METTL13: variants seen among roughly 807,000 people sequenced by gnomAD.
The protein encoded by METTL13 is methyltransferase 13, eEF1A N-terminus and K55.
Under a neutral mutation model 67.4 loss-of-function variants are expected in METTL13, and 52 were observed. The ratio of observed to expected loss-of-function variants is 0.77; its 90% CI spans 0.62 to 0.97. The LOEUF is 0.97. Among genes scored for constraint, METTL13 ranks in the 50% least tolerant of loss-of-function variants. METTL13 has a pLI of 0.00. For missense variants in METTL13, 825 were observed against 889.6 expected (o/e 0.93, Z 0.92); for synonymous variants, 354 against 353.6 (o/e 1.00, Z -0.01).
chr1:171,796,389 GGGACA>G (rs1324571410), intron 7 of METTL13, 88 bp from the exon 8 acceptor site: 1 of 1,471,276 alleles, frequency 6.8e-7, no homozygotes, highest in East Asian at 2.3e-5. Flanking sequence ...CAGTCTCCCT[GGGACA>G]GGAATTGGTA....
chr1:171,796,100 C>T (rs751461013), intron 7 of METTL13, among the ~76,000 whole-genome samples: 14 of 152,242 alleles, frequency 9.2e-5, no homozygotes, highest in East Asian at 1.9e-4. Flanking sequence ...CTCCTGACTT[C>T]GAGTGATCCG....
chr1:171,796,335 G>T, intron 7 of METTL13, 147 bp from the exon 8 acceptor site: 1 of 915,578 alleles, frequency 1.1e-6, no homozygotes, highest in Non-Finnish European at 1.7e-6. Context: ...TTTCTATGCT[G>T]TGTATTCTCT....
rs1209842508 is a variant in METTL13, at chr1:171,786,203, A to G, written c.1113+125A>G. 11 of 1,054,610 alleles carry G rather than the reference A, an allele frequency of 1.0e-5. No homozygotes were observed. The East Asian group carries it at 2.1e-4, about 20-fold the overall frequency. 65.3% of individuals were successfully genotyped at this position (1,054,610 alleles called of 1,614,324 possible). ...ACTCTTCATCTAATCCTGGAGGGGTATCAGCAGCTAAGGGTTAAATGGCAG... is the reference window on the plus strand; with the variant it reads ...ACTCTTCATCTAATCCTGGAGGGGTGTCAGCAGCTAAGGGTTAAATGGCAG... On this transcript the variant is annotated intron_variant, in intron 3 of 7. Coordinates refer to ENST00000361735, the MANE Select transcript of METTL13 (RefSeq NM_015935.5).
Position 171,783,935 on chromosome 1 carries a change from G to T in METTL13, c.349G>T (p.Val117Leu), listed in dbSNP as rs1175121773. Residue 117 changes from valine (V) to leucine (L), a missense_variant, in exon 2 of 8, where the codon GTG (valine) becomes TTG (leucine). Coordinates refer to ENST00000361735, the MANE Select transcript of METTL13 (RefSeq NM_015935.5). ...QMEFPDASFQ[V>L]VLDKGTLDAV... ...GGAGTTTCCTGATGCCTCGTTCCAG[G>T]TGGTGTTGGACAAGGGCACCCTGGA... is the stretch of plus-strand genomic sequence containing the variant. The T allele has an allele frequency of 1.9e-6, 3 of 1,614,124 alleles. No homozygotes were observed. The Admixed American group carries it at 5.0e-5, about 27-fold the overall frequency.
At chr1:171,788,412 C>T (rs891796348) in intron 4 of METTL13, among the ~76,000 whole-genome samples, 17 of 152,148 alleles carry the variant, frequency 1.1e-4, no homozygotes, top group African/African-American at 3.4e-4. Context: ...AATGTGGTCG[C>T]GACTAGCCAT....
chr1:171,788,374 G>T (rs1183395259), intron 4 of METTL13, among the ~76,000 whole-genome samples: 1 of 152,252 alleles, frequency 6.6e-6, no homozygotes, highest in Non-Finnish European at 1.5e-5. Context: ...TGCCTGTGAT[G>T]AAGGAGATGT....
intron 2 of METTL13, among the ~76,000 whole-genome samples, chr1:171,784,865 C>T (rs564781815): frequency 1.3e-5 from 2 of 152,320 alleles, no homozygotes; most frequent in East Asian, 3.9e-4. Flanking sequence ...TAATGCTGGA[C>T]TAGCAAGTCT....
rs890075978 is a variant in METTL13 at position 171,786,127 on chromosome 1, C to T, written c.1113+49C>T. The stretch of plus-strand genomic sequence containing the variant: ...TCATGGGTCTCTGAAGTCATGTTAG[C>T]AGCCAGGGAGGCAGAGGGAGCCTTG... On this transcript the variant is annotated intron_variant, in intron 3 of 7. Coordinates refer to ENST00000361735, the MANE Select transcript of METTL13 (RefSeq NM_015935.5). The T allele has an allele frequency of 3.2e-6, 5 of 1,559,378 alleles. No homozygotes were observed. The African/African-American group carries it at 6.8e-5, about 21-fold the overall frequency.
In METTL13 at chr1:171,796,828, C is replaced by A; in HGVS notation, c.*72C>A. 3 of 1,546,140 alleles carry A rather than the reference C, an allele frequency of 1.9e-6. No homozygotes were observed. Among genetic ancestry groups the A allele is most frequent in the Non-Finnish European group, 2.6e-6 (3 of 1,142,690 alleles). ...CAGCCTGCCAGAGAATGAAGAAATACAACGCACAGTACTTTTGAAGCTTCG... is the reference window on the plus strand; with the variant it reads ...CAGCCTGCCAGAGAATGAAGAAATAAAACGCACAGTACTTTTGAAGCTTCG... On this transcript the variant is annotated 3_prime_UTR_variant, in exon 8 of 8. Coordinates refer to ENST00000361735, the MANE Select transcript of METTL13 (RefSeq NM_015935.5).
chr1:171,788,032 G>C, intron 4 of METTL13, 102 bp downstream of exon 4: 1 of 1,143,044 alleles, frequency 8.7e-7, no homozygotes, highest in Admixed American at 2.0e-5. Context: ...GGTGTCTGTA[G>C]GTTCTTAACC....
chr1:171,793,395 A>G (rs1484507580), intron 6 of METTL13, among the ~76,000 whole-genome samples: 1 of 152,240 alleles, frequency 6.6e-6, no homozygotes, highest in African/African-American at 2.4e-5. Flanking sequence ...TCTATAGATC[A>G]GTTTTCAATG....
chr1:171,784,556 C>T (rs1327688680), intron 2 of METTL13, 57 bp downstream of exon 2: 5 of 1,378,090 alleles, frequency 3.6e-6, no homozygotes, highest in African/African-American at 2.9e-5. Flanking sequence ...GGGGCTGGGG[C>T]TTGGGCTGGG....
chr1:171,794,255 AC>A, intron 6 of METTL13, 140 bp from the exon 7 acceptor site: 1 of 1,267,176 alleles, frequency 7.9e-7, no homozygotes, highest in Non-Finnish European at 1.1e-6. Context: ...CAGTGCCCTT[AC>A]AGGCAAACCA....
At chr1:171,782,956 G>C (rs912947848) in intron 1 of METTL13, among the ~76,000 whole-genome samples, 1 of 152,138 alleles carries the variant, frequency 6.6e-6, no homozygotes, top group Non-Finnish European at 1.5e-5. Context: ...GCCTTATGTT[G>C]GGTGCTGTGT....
Position 171,796,672 on chromosome 1 carries a change from G to C in METTL13, c.2016G>C (p.Leu672Phe), listed in dbSNP as rs149043143. 47 of 1,614,072 alleles carry C rather than the reference G, an allele frequency of 2.9e-5. No individual in the cohort carries two copies. Among genetic ancestry groups the C allele is most frequent in the Non-Finnish European group, 3.6e-5 (43 of 1,180,038 alleles). ...AGCTCCTAGAAACAGCCCAGGCTTT[G>C]GAGCGGACCCTGAGGAAGCCTGGGA... ...TPELLETAQA[L>F]ERTLRKPGRG... Residue 672 changes from leucine (L) to phenylalanine (F), a missense_variant, in exon 8 of 8, where the codon TTG becomes TTC. Transcript: ENST00000361735.
intron 4 of METTL13, among the ~76,000 whole-genome samples, chr1:171,790,052 C>A (rs1211677805): frequency 1.3e-5 from 2 of 152,180 alleles, no homozygotes; most frequent in Admixed American, 6.5e-5. Flanking sequence ...CTTCAGGAAG[C>A]TTACAATTAT....
At chr1:171,795,678 A>T (rs1488601319) in intron 7 of METTL13, among the ~76,000 whole-genome samples, 1 of 152,212 alleles carries the variant, frequency 6.6e-6, no homozygotes, top group East Asian at 1.9e-4. Flanking sequence ...CCCTATGTTA[A>T]CAACCCTCTA....
In METTL13 at chr1:171,785,844, T is replaced by C. The variant is rs1369657027; in HGVS notation, c.914-35T>C. The C allele has an allele frequency of 1.9e-6, 3 of 1,604,874 alleles. No individual in the cohort carries two copies. In the African/African-American group the frequency reaches 4.0e-5, roughly 21 times the overall value. On this transcript the variant is annotated intron_variant, in intron 2 of 7. Coordinates refer to ENST00000361735, the MANE Select transcript of METTL13 (RefSeq NM_015935.5). Reference sequence around the variant, plus strand: ...ATATTGGTTGTGGGCTTGATCACTTTCCAGGACTCCCTGTAACCAAGTTCT... The same window carrying C: ...ATATTGGTTGTGGGCTTGATCACTTCCCAGGACTCCCTGTAACCAAGTTCT...
At chr1:171,791,857 A>G (rs952503649) in intron 5 of METTL13, among the ~76,000 whole-genome samples, 160 bp from the exon 6 acceptor site, 15 of 152,154 alleles carry the variant, frequency 9.9e-5, no homozygotes, top group Admixed American at 3.3e-4. Flanking sequence ...TCAGATGTCA[A>G]ATTCACTCCT....
Sources: allele counts gnomAD v4.1 joint callset (sites outside exome capture counted in the v4.1 genomes callset), GRCh38; gene constraint gnomAD v4.1.1; transcripts MANE v1.5; gene names NCBI Gene and HGNC (gene_info 2026-07-23, HGNC 2026-07-21).